TEX15: variants seen among roughly 807,000 people sequenced by gnomAD.
TEX15 encodes testis expressed 15, meiosis and synapsis associated, also known as testis-expressed protein 15.
TEX15 carries 171 observed loss-of-function variants against 237.3 expected under a neutral mutation model. The ratio of observed to expected loss-of-function variants is 0.72; its 90% CI spans 0.64 to 0.82. The LOEUF is 0.82. Among genes scored for constraint, TEX15 ranks in the 40% least tolerant of loss-of-function variants. The pLI is 0.00. For missense variants in TEX15, 3,750 were observed against 3,646.5 expected (o/e 1.03, Z -0.73); for synonymous variants, 1,338 against 1,269.8 (o/e 1.05, Z -1.14).
intron 1 of TEX15, among the ~76,000 whole-genome samples, chr8:30,903,371 G>A (rs1420843440): frequency 6.6e-6 from 1 of 152,174 alleles, no homozygotes; most frequent in Non-Finnish European, 1.5e-5. Flanking sequence ...AAGTTAAGGG[G>A]CCCCCAGGGG....
chr8:30,866,257 G>A (rs1193575510), intron 5 of TEX15, among the ~76,000 whole-genome samples: 3 of 150,416 alleles, frequency 2.0e-5, no homozygotes, highest in African/African-American at 4.9e-5. Flanking sequence ...TGCGACTGTC[G>A]CAAAAAAAGG....
At position 30,848,661 on chromosome 8, in the gene TEX15, A is replaced by T. The variant is rs1454160122; in HGVS notation, c.1506T>A (p.Ser502=). 4 of 1,614,114 alleles carry T rather than the reference A, an allele frequency of 2.5e-6. No individual in the cohort carries two copies. Among genetic ancestry groups the T allele is most frequent in the Non-Finnish European group, 3.4e-6 (4 of 1,180,038 alleles). Residue 502 remains serine (S), a synonymous_variant, in exon 8 of 11, where the codon TCT becomes TCA. Coordinates refer to ENST00000643185, the MANE Select transcript of TEX15 (RefSeq NM_001350162.2). ...GAGCCCAAGATTGTGAATCATTAAC[A>T]GAAGTTTTAAAGCAAGGGGTATCCA... ...NGLDTPCFKT[S]VNDSQSWAHN...
Position 30,844,671 on chromosome 8 carries a change from T to C in TEX15, c.5496A>G (p.Thr1832=). Residue 1832 remains threonine, a synonymous_variant, in exon 8 of 11, where the codon ACA becomes ACG. Coordinates refer to ENST00000643185, the MANE Select transcript of TEX15 (RefSeq NM_001350162.2). ...KDNVKGSSSE[T]CIVKKDTEDR... Reference sequence around the variant, plus strand: ...CCTCAGTGTCTTTCTTCACAATACATGTTTCTGAAGAGGAGCCTTTTACAT... The same window carrying C: ...CCTCAGTGTCTTTCTTCACAATACACGTTTCTGAAGAGGAGCCTTTTACAT... The C allele has an allele frequency of 1.9e-6, 3 of 1,613,356 alleles. No homozygotes were observed. Among genetic ancestry groups the C allele is most frequent in the South Asian group, 1.1e-5 (1 of 91,052 alleles).
chr8:30,835,107 A>G (rs1156626133), intron 10 of TEX15, among the ~76,000 whole-genome samples: 1 of 151,636 alleles, frequency 6.6e-6, no homozygotes, highest in African/African-American at 2.4e-5. Flanking sequence ...CCTCTCTACT[A>G]ATATATATAT....
intron 7 of TEX15, among the ~76,000 whole-genome samples, chr8:30,853,156 G>C (rs1377242983): frequency 1.3e-5 from 2 of 152,366 alleles, no homozygotes; most frequent in Non-Finnish European, 2.9e-5. Flanking sequence ...ATGGGCTGCA[G>C]TAGAAGTAGG....
At position 30,838,174 on chromosome 8, in the gene TEX15, G is replaced by A. The variant is rs1387254056; in HGVS notation, c.8223-113C>T. The A allele has an allele frequency of 1.3e-5, 13 of 972,848 alleles. No individual in the cohort carries two copies. In the East Asian group the frequency reaches 1.7e-4, roughly 13 times the overall value. The allele number at this position is 972,848 out of a possible 1,614,324, so 60.3% of individuals were successfully genotyped here. On this transcript the variant is annotated intron_variant, in intron 9 of 10. Coordinates refer to ENST00000643185, the MANE Select transcript of TEX15 (RefSeq NM_001350162.2). ...CAGGGGAAGAGTTCTTAAGCTTTAC[G>A]TTTTCCCATTCTATTGGCACTATAC...
chr8:30,909,136 AACT>A lies in TEX15; in HGVS notation c.-86+3740_-86+3742del. On this transcript the variant is annotated intron_variant, in intron 1 of 10. Coordinates refer to ENST00000643185, the MANE Select transcript of TEX15 (RefSeq NM_001350162.2). ...GTAGTTTTAGATTTATATCAGGACA[AACT>A]AGATACTCAAATCAGTTATTTTATT... Among the ~76,000 whole-genome samples, 2 of 152,154 alleles carry A rather than the reference AACT, an allele frequency of 1.3e-5. 1 individual carries two copies. The highest frequency in any genetic ancestry group is 4.8e-5 in the African/African-American group (2 of 41,446).
rs760211930 is a variant in TEX15 at position 30,837,852 on chromosome 8, T to C, written c.8432A>G (p.Gln2811Arg). Residue 2811 changes from glutamine (Q) to arginine (R), a missense_variant, in exon 10 of 11, where the codon CAA (glutamine) becomes CGA (arginine). Coordinates refer to ENST00000643185, the MANE Select transcript of TEX15 (RefSeq NM_001350162.2). ...LTVSSDHFSG[Q>R]QENLNSMKKR... ...CTTCATGCTATTTAAATTTTCCTGT[T>C]GTCCACTGAAGTGATCAGATGAAAC... The C allele has an allele frequency of 1.9e-6, 3 of 1,614,150 alleles. No homozygotes were observed. Among genetic ancestry groups the C allele is most frequent in the South Asian group, 1.1e-5 (1 of 91,050 alleles).
intron 5 of TEX15, among the ~76,000 whole-genome samples, chr8:30,866,142 T>C (rs1808157273): frequency 6.6e-6 from 1 of 152,102 alleles, no homozygotes; most frequent in South Asian, 2.1e-4. Context: ...TATATGATAA[T>C]AGTTATTGAT....
chr8:30,843,599 A>G lies in TEX15; in HGVS notation c.6568T>C (p.Ser2190Pro). ...CCACAGGTAAATGGAACAGAAAGAG[A>G]AAAATCAAAGCAATCGGAACAATGC... is the stretch of plus-strand genomic sequence containing the variant. ...MEHCSDCFDF[S>P]LSVPFTCGVN... The change falls in exon 8 of 11, where the codon TCT becomes CCT. Residue 2190 changes from serine to proline, a missense_variant. Transcript: ENST00000643185. 3 of 1,612,976 alleles carry G rather than the reference A, an allele frequency of 1.9e-6. No homozygotes were observed. The highest frequency in any genetic ancestry group is 2.5e-6 in the Non-Finnish European group (3 of 1,179,700).
At chr8:30,894,693 T>C (rs1808860160) in intron 2 of TEX15, among the ~76,000 whole-genome samples, 1 of 152,186 alleles carries the variant, frequency 6.6e-6, no homozygotes. Context: ...CTTTAAACCA[T>C]GTAAAAAAAT....
At chr8:30,859,202 G>C (rs1807982941) in intron 6 of TEX15, among the ~76,000 whole-genome samples, 1 of 151,628 alleles carries the variant, frequency 6.6e-6, no homozygotes, top group Non-Finnish European at 1.5e-5. Context: ...TACTTTCATT[G>C]GGAAGATTTA....
chr8:30,842,084 G>GT lies in TEX15; in HGVS notation c.8082dup (p.Arg2695ThrfsTer9), dbSNP rs1360443548. 17 of 1,613,448 alleles carry GT rather than the reference G, an allele frequency of 1.1e-5. No individual in the cohort carries two copies. The highest frequency in any genetic ancestry group is 1.4e-5 in the Non-Finnish European group (17 of 1,179,786). ...TCACATTTGTCTACAGTGCTCGGTCGTTTTTTAGAGGAATTTGAGATGTTT... is the reference window on the plus strand; with the variant it reads ...TCACATTTGTCTACAGTGCTCGGTCGTTTTTTTAGAGGAATTTGAGATGTTT... On this transcript the variant is annotated frameshift_variant, in exon 8 of 11. Coordinates refer to ENST00000643185, the MANE Select transcript of TEX15 (RefSeq NM_001350162.2). LOFTEE classifies it high-confidence loss of function.
chr8:30,867,054 C>CTT (rs578027524), intron 5 of TEX15, among the ~76,000 whole-genome samples: 19 of 128,218 alleles, frequency 1.5e-4, no homozygotes, highest in African/African-American at 3.4e-4. Flanking sequence ...GCTGCCTTTG[C>CTT]TTTTTTTTTT....
intron 2 of TEX15, among the ~76,000 whole-genome samples, chr8:30,894,902 T>C (rs577004238): frequency 4.8e-4 from 73 of 152,306 alleles, no homozygotes; most frequent in African/African-American, 1.6e-3. Context: ...GCTTCCACCA[T>C]GTGAAGATGC....
At chr8:30,909,907 G>A (rs1360285579) in intron 1 of TEX15, among the ~76,000 whole-genome samples, 1 of 152,136 alleles carries the variant, frequency 6.6e-6, no homozygotes, top group Non-Finnish European at 1.5e-5. Context: ...AACACATTCA[G>A]GGGCTGGAGA....
rs565114293 is a variant in TEX15 at position 30,846,282 on chromosome 8, T to C, written c.3885A>G (p.Val1295=). 3 of 1,613,412 alleles carry C rather than the reference T, an allele frequency of 1.9e-6. No individual in the cohort carries two copies. Among genetic ancestry groups the C allele is most frequent in the African/African-American group, 2.7e-5 (2 of 75,044 alleles). ...DYNDTKNKKE[V]ESRISKRKLH... ...GCTTCCTTTTGCTAATTCTTGATTC[T>C]ACCTCCTTTTTATTTTTGGTATCAT... Residue 1295 remains valine (V), a synonymous_variant, in exon 8 of 11, where the codon GTA becomes GTG. Coordinates refer to ENST00000643185, the MANE Select transcript of TEX15 (RefSeq NM_001350162.2).
In TEX15 at chr8:30,846,013, A is replaced by G. The variant is rs1338304320; in HGVS notation, c.4154T>C (p.Val1385Ala). ...CLSRKLDKAV[V>A]HLKKAHRRVH... ...TCTTCTATGAGCTTTTTTTAAGTGAACAACTGCTTTGTCTAGTTTTCTGGA... is the reference window on the plus strand; with the variant it reads ...TCTTCTATGAGCTTTTTTTAAGTGAGCAACTGCTTTGTCTAGTTTTCTGGA... The change falls in exon 8 of 11, where the codon GTT (valine) becomes GCT (alanine). Residue 1385 changes from valine to alanine, a missense_variant. Coordinates refer to ENST00000643185, the MANE Select transcript of TEX15 (RefSeq NM_001350162.2). 1 of 1,613,040 alleles carries G rather than the reference A, an allele frequency of 6.2e-7. No individual in the cohort carries two copies. The highest frequency in any genetic ancestry group is 2.2e-5 in the East Asian group (1 of 44,846).
Position 30,849,332 on chromosome 8 carries a change from G to C in TEX15, c.851-16C>G, listed in dbSNP as rs1338426885. The C allele has an allele frequency of 6.9e-7, 1 of 1,456,346 alleles. No homozygotes were observed. Among genetic ancestry groups the C allele is most frequent in the Admixed American group, 2.6e-5 (1 of 38,718 alleles). 90.2% of individuals were successfully genotyped at this position (1,456,346 alleles called of 1,614,324 possible). On this transcript the variant is annotated splice_polypyrimidine_tract_variant and intron_variant, in intron 7 of 10. Coordinates refer to ENST00000643185, the MANE Select transcript of TEX15 (RefSeq NM_001350162.2). Reference sequence around the variant, plus strand: ...CATGTCCTTTCTGTGGAAATAATAAGGAAGACAAATTTGAAAAAAAGTGTT... The same window carrying C: ...CATGTCCTTTCTGTGGAAATAATAACGAAGACAAATTTGAAAAAAAGTGTT...
Sources: allele counts gnomAD v4.1 joint callset (sites outside exome capture counted in the v4.1 genomes callset), GRCh38; gene constraint gnomAD v4.1.1; transcripts MANE v1.5; gene names NCBI Gene and HGNC (gene_info 2026-07-23, HGNC 2026-07-21).